Variants in ZMYM4 observed in about 807,000 individuals in gnomAD.
The protein encoded by ZMYM4 is zinc finger MYM-type containing 4, also known as zinc finger MYM-type protein 4.
In ZMYM4, 31 loss-of-function variants were observed where a neutral mutation model predicts 183.2. The observed-to-expected ratio is 0.17, with a 90% CI of 0.13 to 0.23. The LOEUF is 0.23. Among genes scored for constraint, ZMYM4 ranks in the 10% least tolerant of loss-of-function variants. The probability of loss-of-function intolerance (pLI) is 1.00; values close to 1 mark genes in which losing one functional copy is unlikely to be tolerated. For missense variants in ZMYM4, 1,273 were observed against 1,840.3 expected (o/e 0.69, Z 5.64); for synonymous variants, 592 against 631.2 (o/e 0.94, Z 0.93).
intron 1 of ZMYM4, among the ~76,000 whole-genome samples, chr1:35,278,176 T>A (rs1176275638): frequency 1.3e-5 from 2 of 152,088 alleles, no homozygotes; most frequent in African/African-American, 2.4e-5. Flanking sequence ...CTGCATCTTC[T>A]TTTCTGTCTC....
chr1:35,401,677 A>T (rs1284996445), intron 23 of ZMYM4, among the ~76,000 whole-genome samples: 1 of 152,116 alleles, frequency 6.6e-6, no homozygotes, highest in African/African-American at 2.4e-5. Flanking sequence ...TCATCTAAAA[A>T]TTTTTGCCTA....
At chr1:35,367,236 A>G (rs192886167) in intron 5 of ZMYM4, among the ~76,000 whole-genome samples, 6 of 151,062 alleles carry the variant, frequency 4.0e-5, no homozygotes, top group Admixed American at 2.0e-4. Flanking sequence ...TTTTTTTTTA[A>G]AAGACAGAGT....
intron 1 of ZMYM4, among the ~76,000 whole-genome samples, chr1:35,284,102 G>A (rs982913555): frequency 2.0e-5 from 3 of 151,468 alleles, no homozygotes; most frequent in Non-Finnish European, 4.4e-5. Context: ...TCAGCCTCCC[G>A]AGTAGCTGGG....
At chr1:35,314,736 A>C (rs1453300320) in intron 1 of ZMYM4, among the ~76,000 whole-genome samples, 1 of 125,198 alleles carries the variant, frequency 8.0e-6, no homozygotes. Context: ...TCATTAAAAA[A>C]ATAATTTTGG....
intron 2 of ZMYM4, among the ~76,000 whole-genome samples, chr1:35,335,915 G>A (rs1455453790): frequency 6.6e-6 from 1 of 152,140 alleles, no homozygotes; most frequent in Admixed American, 6.5e-5. Context: ...GCGAGAGAGC[G>A]AGACTCCGTC....
In ZMYM4 at chr1:35,387,286, A is replaced by T; in HGVS notation, c.2112+8A>T. On this transcript the variant is annotated splice_region_variant and intron_variant, in intron 12 of 29. Transcript: ENST00000314607. ...GAACTTCTTGACTATAAGGTAAAGT[A>T]TAGCATGTTCATGATAAGATTTTGA... The T allele has an allele frequency of 1.2e-6, 2 of 1,611,058 alleles. No individual in the cohort carries two copies. Among genetic ancestry groups the T allele is most frequent in the Non-Finnish European group, 1.7e-6 (2 of 1,177,408 alleles).
rs1438542440 is a variant in ZMYM4, at chr1:35,363,832, G to T, written c.840+2043G>T. Among the ~76,000 whole-genome samples the T allele has an allele frequency of 5.3e-5, 8 of 152,272 alleles. No homozygotes were observed. In the East Asian group the frequency reaches 1.5e-3, roughly 29 times the overall value. ...TCATGTGGCAGTATATGCTTCAGAAGACTACAGCCATGTCTATATGAAGGG... is the reference window on the plus strand; with the variant it reads ...TCATGTGGCAGTATATGCTTCAGAATACTACAGCCATGTCTATATGAAGGG... On this transcript the variant is annotated intron_variant, in intron 5 of 29. Transcript: ENST00000314607.
At chr1:35,302,827 T>C (rs560177803) in intron 1 of ZMYM4, among the ~76,000 whole-genome samples, 2 of 152,174 alleles carry the variant, frequency 1.3e-5, no homozygotes, top group South Asian at 4.1e-4. Context: ...AGTCTGGCTT[T>C]TGCATTTTAA....
At chr1:35,325,669 ATACTTACCACTATTAAGGGTTTC>A (rs1469941882) in intron 2 of ZMYM4, among the ~76,000 whole-genome samples, 4 of 152,108 alleles carry the variant, frequency 2.6e-5, no homozygotes, top group African/African-American at 9.7e-5. Flanking sequence ...ATGGAAGATT[ATACTTACCACTATTAAGGGTTTC>A]TACTTGGGTT....
chr1:35,391,306 A>G (rs1322615025), intron 15 of ZMYM4, among the ~76,000 whole-genome samples: 2 of 152,190 alleles, frequency 1.3e-5, no homozygotes, highest in African/African-American at 4.8e-5. Context: ...GTAGGAGGTC[A>G]TCTCTCAGAG....
intron 1 of ZMYM4, among the ~76,000 whole-genome samples, chr1:35,323,327 T>A (rs928528295): frequency 6.6e-6 from 1 of 152,030 alleles, no homozygotes; most frequent in African/African-American, 2.4e-5. Context: ...AGAGTTCTGC[T>A]GTCAAGGGGA....
intron 2 of ZMYM4, among the ~76,000 whole-genome samples, chr1:35,341,507 A>T (rs1643199733): frequency 6.6e-6 from 1 of 151,552 alleles, no homozygotes; most frequent in Admixed American, 6.6e-5. Flanking sequence ...AAATGTAAAA[A>T]TTTTTATTTT....
chr1:35,347,466 C>G (rs1020281071), intron 2 of ZMYM4, among the ~76,000 whole-genome samples: 1 of 152,032 alleles, frequency 6.6e-6, no homozygotes, highest in Non-Finnish European at 1.5e-5. Context: ...ACAAGTTACT[C>G]TGTCTCTACA....
In ZMYM4 at chr1:35,421,298, A is replaced by G. The variant is rs1266904510; in HGVS notation, c.*1621A>G. On this transcript the variant is annotated 3_prime_UTR_variant, in exon 30 of 30. Transcript: ENST00000314607. Reference sequence around the variant, plus strand: ...TCTCATTTTTGTTACCAAGAACTGTATGAAAGAAGTAAATCCACCCCGATT... The same window carrying G: ...TCTCATTTTTGTTACCAAGAACTGTGTGAAAGAAGTAAATCCACCCCGATT... 1.3e-5 allele frequency: 2 copies of G among 152,622 alleles called. No homozygotes were observed. Among genetic ancestry groups the G allele is most frequent in the Non-Finnish European group, 2.9e-5 (2 of 68,034 alleles). The allele number at this position is 152,622 out of a possible 1,614,324, so 9.5% of individuals were successfully genotyped here.
rs757986980 is a variant in ZMYM4 at position 35,359,419 on chromosome 1, T to C, written c.580T>C (p.Leu194=). The C allele has an allele frequency of 2.0e-5, 31 of 1,567,580 alleles. No homozygotes were observed. The highest frequency in any genetic ancestry group is 2.1e-5 in the Admixed American group (1 of 46,552). The change falls in exon 3 of 30, where the codon TTG becomes CTG. Residue 194 remains leucine, a synonymous_variant. Coordinates refer to ENST00000314607, the MANE Select transcript of ZMYM4 (RefSeq NM_005095.3). ...DKPHKDLDSR[L]KSSFFDKAAN... ...ACCCCATAAAGATTTGGATTCAAGG[T>C]TGAAAAGCAGTTTTTTTGATAAAGC...
chr1:35,286,890 A>G (rs1434970668), intron 1 of ZMYM4, among the ~76,000 whole-genome samples: 3 of 140,602 alleles, frequency 2.1e-5, no homozygotes, highest in Non-Finnish European at 4.5e-5. Flanking sequence ...CTGCCTCCCA[A>G]AGATTATAGG....
chr1:35,304,542 C>G (rs970254754), intron 1 of ZMYM4, among the ~76,000 whole-genome samples: 1 of 151,148 alleles, frequency 6.6e-6, no homozygotes, highest in Non-Finnish European at 1.5e-5. Flanking sequence ...ACTGCAACCT[C>G]TGCCTCCTGG....
Position 35,397,535 on chromosome 1 carries a change from A to G in ZMYM4, c.3189A>G (p.Leu1063=), listed in dbSNP as rs369106351. The change falls in exon 20 of 30, where the codon CTA becomes CTG. Residue 1063 remains leucine (L), a synonymous_variant. Coordinates refer to ENST00000314607, the MANE Select transcript of ZMYM4 (RefSeq NM_005095.3). The part of the protein sequence containing the change: ...MIAEDEEKKT[L]SQGESQTSEH... ...CAGAAGATGAAGAGAAGAAGACTCTATCTCAGGGAGGTTGGTATACTCTTT... is the reference window on the plus strand; with the variant it reads ...CAGAAGATGAAGAGAAGAAGACTCTGTCTCAGGGAGGTTGGTATACTCTTT... 1.4e-5 allele frequency: 22 copies of G among 1,608,068 alleles called. No homozygotes were observed. The highest frequency in any genetic ancestry group is 3.4e-5 in the South Asian group (3 of 89,512).
chr1:35,295,803 C>CG (rs1047575259), intron 1 of ZMYM4: 1 of 152,178 alleles, frequency 6.6e-6, no homozygotes, highest in Non-Finnish European at 1.5e-5. Flanking sequence ...TGTGAATTGA[C>CG]TAACTTTGGA....
Sources: gnomAD v4.1 joint callset for allele counts (sites outside exome capture counted in the v4.1 genomes callset) on GRCh38, gnomAD v4.1.1 for gene constraint, MANE v1.5 for transcripts, NCBI Gene and HGNC (gene_info 2026-07-23, HGNC 2026-07-21) for gene names.